ROBO2: variants seen among roughly 807,000 people sequenced by gnomAD.
ROBO2 encodes the protein roundabout guidance receptor 2, also known as roundabout homolog 2.
ROBO2 carries 53 observed loss-of-function variants against 160.8 expected under a neutral mutation model. The observed-to-expected ratio is 0.33, with a 90% CI of 0.26 to 0.41. The LOEUF (loss-of-function observed/expected upper bound fraction) is 0.41, where lower values mean the gene tolerates loss of function less well. Ranked by LOEUF, ROBO2 falls within the 10% of genes least tolerant of loss-of-function variation. The probability of loss-of-function intolerance (pLI) is 1.00; values close to 1 mark genes in which losing one functional copy is unlikely to be tolerated. For missense variants in ROBO2, 1,577 were observed against 1,722.4 expected, an observed-to-expected ratio of 0.92 and a Z score of 1.49; for synonymous variants, 664 against 611.7, an observed-to-expected ratio of 1.09 and a Z score of -1.26.
intron 2 of ROBO2, among the ~76,000 whole-genome samples, chr3:76,461,102 A>G (rs371871661): frequency 1.3e-5 from 2 of 152,238 alleles, no homozygotes; most frequent in East Asian, 3.8e-4. Context: ...CAGCTTTAAA[A>G]GAAGCATGGT....
At chr3:76,769,554 A>G (rs1410615720) in intron 2 of ROBO2, among the ~76,000 whole-genome samples, 1 of 151,474 alleles carries the variant, frequency 6.6e-6, no homozygotes, top group Non-Finnish European at 1.5e-5. Flanking sequence ...CTATTGTCAT[A>G]AGACAAAATA....
chr3:76,880,739 AG>A lies in ROBO2; in HGVS notation c.110-217273del, dbSNP rs1317858943. ...ATACTCATTTGTTAAATGGAGTAAA[AG>A]GTTCATTCTTGATAACGCTAGATGA... is the stretch of plus-strand genomic sequence containing the variant. On this transcript the variant is annotated intron_variant, in intron 2 of 26. Transcript: ENST00000487694. Among the ~76,000 whole-genome samples, 3 of 152,288 alleles carry A rather than the reference AG, an allele frequency of 2.0e-5. No individual in the cohort carries two copies. The East Asian group carries it at 5.8e-4, about 29-fold the overall frequency.
At chr3:77,362,210 G>T (rs553266515) in intron 2 of ROBO2, among the ~76,000 whole-genome samples, 2 of 152,086 alleles carry the variant, frequency 1.3e-5, no homozygotes, top group South Asian at 4.1e-4. Flanking sequence ...CTTTAGTCAG[G>T]TCTATTGCAA....
Position 76,305,419 on chromosome 3 carries a change from A to G in ROBO2, c.109+367817A>G, listed in dbSNP as rs1403900887. 2.6e-3 allele frequency among the ~76,000 whole-genome samples: 338 copies of G among 128,698 alleles called. 1 individual carries two copies. The highest frequency in any genetic ancestry group is 8.9e-3 in the African/African-American group (324 of 36,304). The allele number at this position is 128,698 out of a possible 152,430, so 84.4% of individuals were successfully genotyped here. A position where few individuals can be genotyped will look rare whatever the true frequency, so the allele number is the denominator to read the frequency against. On this transcript the variant is annotated intron_variant, in intron 2 of 26. Transcript: ENST00000487694. ...AAAAAAAAAAAAAAAAAAAAAAAAA[A>G]AAAAAGAACAGCATTTGTTCTGACT...
At position 76,599,278 on chromosome 3, in the gene ROBO2, T is replaced by C. The variant is rs376349558; in HGVS notation, c.110-498736T>C. Among the ~76,000 whole-genome samples the C allele has an allele frequency of 6.6e-5, 10 of 152,278 alleles. 1 individual carries two copies. The East Asian group carries it at 7.7e-4, about 12-fold the overall frequency. On this transcript the variant is annotated intron_variant, in intron 2 of 26. Coordinates refer to the ROBO2 transcript ENST00000487694. ...TCTGTTGTTCTTCCCTTTGTGTTCA[T>C]GTGTTCTCATCATTTAGCTCCCACT...
rs1477174868 is a variant in ROBO2 at position 77,322,873 on chromosome 3, ATG to A, written c.389-154539_389-154538del. ...TTATACATATGTATTATAATATATTATGTAATATATTATATTATACATATATT... is the reference window on the plus strand; with the variant it reads ...TTATACATATGTATTATAATATATTATAATATATTATATTATACATATATT... On this transcript the variant is annotated intron_variant, in intron 2 of 25. Coordinates refer to ENST00000461745, the Ensembl canonical transcript of ROBO2. Among the ~76,000 whole-genome samples, 69 of 113,746 alleles carry A rather than the reference ATG, an allele frequency of 6.1e-4. 6 individuals carry two copies. Among genetic ancestry groups the A allele is most frequent in the African/African-American group, 2.3e-3 (63 of 27,954 alleles). The allele number at this position is 113,746 out of a possible 152,430, so 74.6% of individuals were successfully genotyped here. A position where few individuals can be genotyped will look rare whatever the true frequency, so the allele number is the denominator to read the frequency against.
rs140976772 is a variant in ROBO2 at position 76,991,994 on chromosome 3, A to G, written c.110-106020A>G. The stretch of plus-strand genomic sequence containing the variant: ...AAGGAGCTGCCCCTTATAAATTTCT[A>G]TGACCAAATAGAACTTCTAGTTCTT... On this transcript the variant is annotated intron_variant, in intron 2 of 26. Transcript: ENST00000487694. Among the ~76,000 whole-genome samples, 38 of 152,264 alleles carry G rather than the reference A, an allele frequency of 2.5e-4. No individual in the cohort carries two copies. In the East Asian group the frequency reaches 6.4e-3, roughly 26 times the overall value.
chr3:77,240,262 T>C (rs1161174978), intron 2 of ROBO2, among the ~76,000 whole-genome samples: 2 of 152,118 alleles, frequency 1.3e-5, no homozygotes, highest in African/African-American at 4.8e-5. Flanking sequence ...CGGCAAGAAT[T>C]CGAGTGTGGC....
Position 77,598,527 on chromosome 3 carries a change from G to GTATATATATATATA in ROBO2, c.2854+1779_2854+1792dup, listed in dbSNP as rs3073098. ...TACGCACACACATATATATATATGT[G>GTATATATATATATA]TATATATATATATATCCCAAAGCTT... On this transcript the variant is annotated intron_variant, in intron 19 of 25. Transcript: ENST00000461745. Among the ~76,000 whole-genome samples the GTATATATATATATA allele has an allele frequency of 5.2e-3, 728 of 139,968 alleles. 11 individuals are homozygous for GTATATATATATATA. The highest frequency in any genetic ancestry group is 0.018 in the African/African-American group (657 of 37,146). 91.8% of individuals were successfully genotyped at this position (139,968 alleles called of 152,430 possible).
In ROBO2 at chr3:76,025,149, T is replaced by A. The variant is rs547723220; in HGVS notation, c.109+87547T>A. On this transcript the variant is annotated intron_variant, in intron 2 of 26. Coordinates refer to the ROBO2 transcript ENST00000487694. ...TTGTTCTCATTTCCCTCCAAGAATT[T>A]TTTGCAGAAAATTAATTTTAAATAA... 2.0e-5 allele frequency among the ~76,000 whole-genome samples: 3 copies of A among 151,730 alleles called. No individual in the cohort carries two copies. In the South Asian group the frequency reaches 6.2e-4, roughly 31 times the overall value.
chr3:76,086,467 C>A (rs577247895), intron 2 of ROBO2, among the ~76,000 whole-genome samples: 1 of 152,190 alleles, frequency 6.6e-6, no homozygotes, highest in East Asian at 1.9e-4. Context: ...TCCTATGTCA[C>A]CCAATGGGCA....
At chr3:77,491,667 G>A (rs143182460) in intron 4 of ROBO2, among the ~76,000 whole-genome samples, 27 of 152,226 alleles carry the variant, frequency 1.8e-4, no homozygotes, top group East Asian at 5.8e-4. Context: ...TATTCAGGGC[G>A]TCTAAAATCT....
intron 2 of ROBO2, among the ~76,000 whole-genome samples, chr3:76,216,976 C>T (rs963726725): frequency 1.1e-4 from 16 of 152,142 alleles, no homozygotes. Context: ...GACCACAGTG[C>T]AATCAAACTA....
intron 2 of ROBO2, among the ~76,000 whole-genome samples, chr3:76,469,091 T>G (rs2078513253): frequency 6.6e-6 from 1 of 152,068 alleles, no homozygotes; most frequent in Non-Finnish European, 1.5e-5. Context: ...ATTAAGTCAA[T>G]TAATAGTGAA....
Position 76,948,535 on chromosome 3 carries a change from A to T in ROBO2, c.110-149479A>T, listed in dbSNP as rs2078710075. On this transcript the variant is annotated intron_variant, in intron 2 of 26. Coordinates refer to the ROBO2 transcript ENST00000487694. ...GGGACTTTGCTTTTTAGTTGTACTT[A>T]ATCTGATGTTCCACCTCTCCATTGG... Among the ~76,000 whole-genome samples the T allele has an allele frequency of 2.0e-5, 3 of 149,156 alleles. 1 individual carries two copies. In the South Asian group the frequency reaches 6.3e-4, roughly 31 times the overall value.
chr3:76,387,228 C>T (rs2076934945), intron 2 of ROBO2, among the ~76,000 whole-genome samples: 1 of 152,122 alleles, frequency 6.6e-6, no homozygotes, highest in Non-Finnish European at 1.5e-5. Flanking sequence ...AAGGCCCCAC[C>T]TCCCAATCCT....
chr3:77,149,211 T>G (rs1161024107), intron 2 of ROBO2, among the ~76,000 whole-genome samples: 1 of 131,102 alleles, frequency 7.6e-6, no homozygotes, highest in African/African-American at 3.8e-5. Context: ...ATTTTTTGTA[T>G]TTTTTAGTAG....
chr3:77,314,737 A>G (rs915683088), intron 2 of ROBO2, among the ~76,000 whole-genome samples: 1 of 152,188 alleles, frequency 6.6e-6, no homozygotes, highest in Non-Finnish European at 1.5e-5. Context: ...ACAAGGCATT[A>G]TATATCAAGC....
At chr3:75,985,320 T>C (rs921140963) in intron 2 of ROBO2, among the ~76,000 whole-genome samples, 12 of 151,584 alleles carry the variant, frequency 7.9e-5, no homozygotes, top group Non-Finnish European at 3.0e-5. Flanking sequence ...TTATCTTAAT[T>C]ATTTTAAAGT....
Sources: allele counts gnomAD v4.1 joint callset (sites outside exome capture counted in the v4.1 genomes callset), GRCh38; gene constraint gnomAD v4.1.1; transcripts MANE v1.5; gene names NCBI Gene and HGNC (gene_info 2026-07-23, HGNC 2026-07-21).